Variants in ATP11C observed in about 807,000 individuals in gnomAD.
The protein encoded by ATP11C is phospholipid-transporting ATPase IG.
A neutral mutation model predicts 97.4 loss-of-function variants in ATP11C; 36 were observed. The observed-to-expected ratio is 0.37, with a 90% CI of 0.28 to 0.49. ATP11C has a LOEUF of 0.49. ATP11C is among the 20% of genes least tolerant of loss of function. The pLI, the probability that ATP11C is intolerant of heterozygous loss-of-function variation, is 0.98. For synonymous variants in ATP11C, 275 were observed against 290.9 expected, an observed-to-expected ratio of 0.95 and a Z score of 0.56; for missense variants, 730 against 824.6, an observed-to-expected ratio of 0.89 and a Z score of 1.40.
upstream of ATP11C, among the ~76,000 whole-genome samples, chrX:139,934,509 A>G (rs1051422847): frequency 1.8e-5 from 2 of 110,115 alleles, no homozygotes; most frequent in African/African-American, 6.6e-5. Context: ...CTACTGCTTT[A>G]AAGATTTTCA....
intron 1 of ATP11C, among the ~76,000 whole-genome samples, chrX:139,872,555 C>G (rs1413521317): frequency 1.9e-5 from 2 of 106,573 alleles, no homozygotes; most frequent in African/African-American, 7.1e-5. Context: ...ATGTTCCCCA[C>G]CCTGTGTCCA....
chrX:139,905,916 T>G (rs1391059203), intron 1 of ATP11C, among the ~76,000 whole-genome samples: 1 of 111,538 alleles, frequency 9.0e-6, no homozygotes, highest in African/African-American at 3.3e-5. Flanking sequence ...TGACAATGGC[T>G]AATTGAAGTT....
rs776943972 is a variant in ATP11C at position 139,800,010 on chromosome X, T to C, written c.710+50A>G. ...TATTTTAGTTGATTTAACAGAAAAA[T>C]AGACCCCCCCCCCCAACCAAAGGAC... On this transcript the variant is annotated intron_variant, in intron 8 of 29. Transcript: ENST00000682941. The C allele has an allele frequency of 9.1e-6, 7 of 769,541 alleles. No individual in the cohort carries two copies. In the East Asian group the frequency reaches 1.1e-4, roughly 12 times the overall value. 63.4% of individuals were successfully genotyped at this position (769,541 alleles called of 1,213,427 possible). A position where few individuals can be genotyped will look rare whatever the true frequency, so the allele number is the denominator to read the frequency against.
chrX:139,797,570 C>T (rs1191779016), intron 10 of ATP11C, among the ~76,000 whole-genome samples: 1 of 111,464 alleles, frequency 9.0e-6, no homozygotes, highest in African/African-American at 3.3e-5. Context: ...CTGAACACAC[C>T]TTATTAAGGT....
At chrX:139,822,353 C>T (rs761206042) in intron 2 of ATP11C, among the ~76,000 whole-genome samples, 1 of 111,337 alleles carries the variant, frequency 9.0e-6, no homozygotes, top group Non-Finnish European at 1.9e-5. Flanking sequence ...CACACCACCA[C>T]ACCTGGCTAA....
chrX:139,767,364 AG>A (rs1480043353), intron 20 of ATP11C, among the ~76,000 whole-genome samples: 1 of 111,600 alleles, frequency 9.0e-6, no homozygotes, highest in Non-Finnish European at 1.9e-5. Context: ...CTATGACAAA[AG>A]GTAGGACCAA....
In ATP11C at chrX:139,783,607, T is replaced by C. The variant is rs138404829; in HGVS notation, c.1667-340A>G. On this transcript the variant is annotated intron_variant, in intron 16 of 29. Coordinates refer to ENST00000682941, the MANE Select transcript of ATP11C (RefSeq NM_001353812.2). ...GAAAATGTATGCCAGGTGCAGTGGC[T>C]CATGCCTGTAATCCCAGCATTGTGG... 7.8e-3 allele frequency among the ~76,000 whole-genome samples: 872 copies of C among 112,114 alleles called. 6 individuals are homozygous for C. Among genetic ancestry groups the C allele is most frequent in the Middle Eastern group, 0.023 (5 of 218 alleles).
At chrX:139,804,832 C>T (rs2083006596) in intron 5 of ATP11C, among the ~76,000 whole-genome samples, 1 of 111,259 alleles carries the variant, frequency 9.0e-6, no homozygotes, top group Admixed American at 9.5e-5. Flanking sequence ...CTGACCTTTA[C>T]CTTTAATAAA....
At chrX:139,800,866 A>C (rs1381525737) in intron 7 of ATP11C, among the ~76,000 whole-genome samples, 3 of 112,365 alleles carry the variant, frequency 2.7e-5, no homozygotes, top group Non-Finnish European at 5.6e-5. Flanking sequence ...AGAAATATAT[A>C]TTACTCATAT....
At chrX:139,897,687 A>C (rs1603414070) in intron 1 of ATP11C, among the ~76,000 whole-genome samples, 1 of 109,186 alleles carries the variant, frequency 9.2e-6, no homozygotes, top group Admixed American at 9.8e-5. Flanking sequence ...AAAAAAAAGA[A>C]AAAAGAAAAA....
intron 1 of ATP11C, among the ~76,000 whole-genome samples, chrX:139,856,699 C>T (rs774237544): frequency 8.9e-6 from 1 of 112,323 alleles, no homozygotes; most frequent in Non-Finnish European, 1.9e-5. Flanking sequence ...AATCAAATAG[C>T]TGCAGGATTT....
At chrX:139,772,142 C>T (rs2082266635) in intron 19 of ATP11C, among the ~76,000 whole-genome samples, 1 of 112,355 alleles carries the variant, frequency 8.9e-6, no homozygotes. Flanking sequence ...CTAGCCATGG[C>T]TGAAAGGGGC....
At chrX:139,883,308 T>G (rs1173593692) in intron 1 of ATP11C, among the ~76,000 whole-genome samples, 1 of 109,788 alleles carries the variant, frequency 9.1e-6, no homozygotes, top group Non-Finnish European at 1.9e-5. Flanking sequence ...CATTCCTGCT[T>G]GGACACTGGA....
chrX:139,846,884 G>A (rs1238654714), intron 1 of ATP11C, among the ~76,000 whole-genome samples: 2 of 107,733 alleles, frequency 1.9e-5, no homozygotes, highest in Non-Finnish European at 3.8e-5. Flanking sequence ...AGTGACTCCT[G>A]TGGCACTCTG....
At chrX:139,925,076 G>A (rs1305526362) in intron 1 of ATP11C, among the ~76,000 whole-genome samples, 1 of 111,469 alleles carries the variant, frequency 9.0e-6, no homozygotes, top group East Asian at 2.8e-4. Context: ...TTCTATCGAT[G>A]AAGAAACTGA....
At chrX:139,746,979 T>C (rs1014974598) in intron 24 of ATP11C, among the ~76,000 whole-genome samples, 2 of 111,790 alleles carry the variant, frequency 1.8e-5, no homozygotes, top group East Asian at 2.8e-4. Context: ...TATTGGGTAC[T>C]GTGGGGCTTC....
chrX:139,776,377 C>T lies in ATP11C; in HGVS notation c.1953-1424G>A, dbSNP rs144837833. On this transcript the variant is annotated intron_variant, in intron 18 of 29. Transcript: ENST00000682941. ...CAGGTAAGCTGCAGAGTTGTCTGCT[C>T]TGAACTTGGGGGAAAGGCTCGGCCA... Among the ~76,000 whole-genome samples, 411 of 112,113 alleles carry T rather than the reference C, an allele frequency of 3.7e-3. 2 individuals carry two copies. Among genetic ancestry groups the T allele is most frequent in the African/African-American group, 0.012 (385 of 30,878 alleles).
intron 1 of ATP11C, among the ~76,000 whole-genome samples, chrX:139,850,774 T>C (rs2092374154): frequency 9.1e-6 from 1 of 109,664 alleles, no homozygotes; most frequent in African/African-American, 3.3e-5. Flanking sequence ...TAGCCAGGCG[T>C]AGTGGCGGGC....
intron 1 of ATP11C, among the ~76,000 whole-genome samples, chrX:139,875,955 G>T (rs762632750): frequency 8.9e-6 from 1 of 111,952 alleles, no homozygotes; most frequent in Non-Finnish European, 1.9e-5. Flanking sequence ...TCTTTGAGAA[G>T]TACTTCTAGC....
Sources: gnomAD v4.1 joint callset for allele counts (sites outside exome capture counted in the v4.1 genomes callset) on GRCh38, gnomAD v4.1.1 for gene constraint, MANE v1.5 for transcripts, NCBI Gene and HGNC (gene_info 2026-07-23, HGNC 2026-07-21) for gene names.